Variants in TNR observed in about 807,000 individuals in gnomAD.
The protein encoded by TNR is tenascin R.
In TNR, 45 loss-of-function variants were observed where a neutral mutation model predicts 150.4. The ratio of observed to expected loss-of-function variants is 0.30; its 90% CI spans 0.24 to 0.38. The LOEUF is 0.38. Ranked by LOEUF, TNR falls within the 10% of genes least tolerant of loss-of-function variation. The pLI, the probability that TNR is intolerant of heterozygous loss-of-function variation, is 1.00. For synonymous variants in TNR, 687 were observed against 678.4 expected, an observed-to-expected ratio of 1.01 and a Z score of -0.20; for missense variants, 1,544 against 1,759.1, an observed-to-expected ratio of 0.88 and a Z score of 2.19.
chr1:175,406,921 C>T, intron 2 of TNR, 144 bp from the exon 3 acceptor site: 3 of 624,540 alleles, frequency 4.8e-6, no homozygotes, highest in Non-Finnish European at 8.3e-6. Flanking sequence ...CTGCCAATGT[C>T]ATAAAGGCCC....
intron 2 of TNR, among the ~76,000 whole-genome samples, chr1:175,416,663 G>T (rs1257063033): frequency 4.6e-5 from 7 of 152,148 alleles, no homozygotes; most frequent in Admixed American, 4.6e-4. Context: ...CAAGTTGATG[G>T]TTTCTGTTTC....
chr1:175,344,052 G>A (rs894596869), intron 18 of TNR, among the ~76,000 whole-genome samples: 2 of 152,206 alleles, frequency 1.3e-5, no homozygotes, highest in Non-Finnish European at 2.9e-5. Flanking sequence ...CACTCCACAA[G>A]GTGAGAGTGC....
chr1:175,461,499 C>T (rs544998405), intron 2 of TNR, among the ~76,000 whole-genome samples: 2 of 152,264 alleles, frequency 1.3e-5, no homozygotes, highest in South Asian at 2.1e-4. Flanking sequence ...TTTATCGGGG[C>T]CCTTTCTTAG....
chr1:175,627,309 A>G (rs1664183898), intron 1 of TNR, among the ~76,000 whole-genome samples: 1 of 152,224 alleles, frequency 6.6e-6, no homozygotes, highest in Non-Finnish European at 1.5e-5. Flanking sequence ...AGCTGGGATG[A>G]AAAACTCTGA....
chr1:175,594,266 T>C, intron 1 of TNR, among the ~76,000 whole-genome samples: 1 of 152,124 alleles, frequency 6.6e-6, no homozygotes, highest in East Asian at 1.9e-4. Context: ...TCTGAATCTG[T>C]ATATCAGTCA....
At chr1:175,666,925 A>T (rs1018214301) in intron 1 of TNR, among the ~76,000 whole-genome samples, 2 of 151,742 alleles carry the variant, frequency 1.3e-5, no homozygotes, top group African/African-American at 4.8e-5. Flanking sequence ...TTTGTAAAAC[A>T]TTTTTTTTAT....
intron 1 of TNR, among the ~76,000 whole-genome samples, chr1:175,614,161 T>C (rs1203302448): frequency 6.6e-6 from 1 of 152,228 alleles, no homozygotes; most frequent in Non-Finnish European, 1.5e-5. Flanking sequence ...TTTTTCTTAT[T>C]AAAGAACTGA....
At chr1:175,588,073 G>C (rs576945010) in intron 1 of TNR, among the ~76,000 whole-genome samples, 1 of 152,360 alleles carries the variant, frequency 6.6e-6, no homozygotes, top group South Asian at 2.1e-4. Context: ...GTCTTGCATA[G>C]TGTGAAGAGG....
intron 2 of TNR, among the ~76,000 whole-genome samples, chr1:175,508,852 C>A (rs1015801115): frequency 3.9e-5 from 6 of 152,166 alleles, no homozygotes; most frequent in Non-Finnish European, 5.9e-5. Flanking sequence ...ATTTGTGACT[C>A]AACAATAGAC....
intron 8 of TNR, among the ~76,000 whole-genome samples, chr1:175,380,445 C>T (rs1652618071): frequency 6.6e-6 from 1 of 152,082 alleles, no homozygotes; most frequent in Non-Finnish European, 1.5e-5. Flanking sequence ...GTGCCCAGCG[C>T]CTGTAGTCTC....
chr1:175,375,479 G>GT (rs1305442837), intron 9 of TNR, among the ~76,000 whole-genome samples: 1 of 151,050 alleles, frequency 6.6e-6, no homozygotes, highest in Non-Finnish European at 1.5e-5. Flanking sequence ...AGAATAATGG[G>GT]GGGGGAGTGT....
Position 175,316,691 on chromosome 1 carries a change from G to A in TNR, c.*6666C>T, listed in dbSNP as rs2101972231. Reference sequence around the variant, plus strand: ...GGGATGTTCCCAAAAGAGTGGGGTGGGGGGTATTGGGTTTATGTTCTGGTT... The same window carrying A: ...GGGATGTTCCCAAAAGAGTGGGGTGAGGGGTATTGGGTTTATGTTCTGGTT... On this transcript the variant is annotated 3_prime_UTR_variant, in exon 23 of 23. Coordinates refer to ENST00000367674, the MANE Select transcript of TNR (RefSeq NM_003285.3). 6.6e-6 allele frequency: 1 copy of A among 152,092 alleles called. No individual in the cohort carries two copies. Among genetic ancestry groups the A allele is most frequent in the African/African-American group, 2.4e-5 (1 of 41,478 alleles). The allele number at this position is 152,092 out of a possible 1,614,324, so 9.4% of individuals were successfully genotyped here.
At chr1:175,499,384 T>C (rs1658633028) in intron 2 of TNR, among the ~76,000 whole-genome samples, 1 of 152,202 alleles carries the variant, frequency 6.6e-6, no homozygotes, top group Non-Finnish European at 1.5e-5. Flanking sequence ...AGTTGGGCTC[T>C]CCCTGCAAGG....
chr1:175,501,114 G>T lies in TNR; in HGVS notation c.-64+27155C>A, dbSNP rs747586965. On this transcript the variant is annotated intron_variant, in intron 2 of 22. Transcript: ENST00000367674. ...ATGGGGAGTTTGCAGATGCCTTTAAGTTCTCTAATTAGCTGACCCGAGTTA... is the reference window on the plus strand; with the variant it reads ...ATGGGGAGTTTGCAGATGCCTTTAATTTCTCTAATTAGCTGACCCGAGTTA... Among the ~76,000 whole-genome samples the T allele has an allele frequency of 4.0e-4, 61 of 152,224 alleles. 1 individual carries two copies. The highest frequency in any genetic ancestry group is 7.6e-4 in the Non-Finnish European group (52 of 68,010).
At chr1:175,439,844 A>G (rs1655697477) in intron 2 of TNR, among the ~76,000 whole-genome samples, 1 of 152,246 alleles carries the variant, frequency 6.6e-6, no homozygotes, top group South Asian at 2.1e-4. Flanking sequence ...CACACCAGTT[A>G]GAATGGTGAT....
intron 1 of TNR, among the ~76,000 whole-genome samples, chr1:175,582,832 C>T (rs1662411713): frequency 6.6e-6 from 1 of 152,052 alleles, no homozygotes; most frequent in South Asian, 2.1e-4. Flanking sequence ...GAGGGCTCCA[C>T]CCTTATGAAT....
intron 1 of TNR, among the ~76,000 whole-genome samples, chr1:175,656,141 A>AGTGT (rs575020723): frequency 0.11 from 13,293 of 123,806 alleles, 776 homozygotes; most frequent in Non-Finnish European, 0.12. Flanking sequence ...GGAAGGTTGA[A>AGTGT]GTGTGTGTGT....
chr1:175,708,042 G>C (rs1329709543), intron 1 of TNR, among the ~76,000 whole-genome samples: 1 of 151,130 alleles, frequency 6.6e-6, no homozygotes, highest in Non-Finnish European at 1.5e-5. Context: ...GTGTGTGTGT[G>C]TGTGTGTGTG....
intron 2 of TNR, among the ~76,000 whole-genome samples, chr1:175,410,176 G>A (rs1654144213): frequency 6.6e-6 from 1 of 152,280 alleles, no homozygotes; most frequent in African/African-American, 2.4e-5. Flanking sequence ...GGGCCGGCCT[G>A]GTGAATTTGA....
Sources: allele counts gnomAD v4.1 joint callset (sites outside exome capture counted in the v4.1 genomes callset), GRCh38; gene constraint gnomAD v4.1.1; transcripts MANE v1.5; gene names NCBI Gene and HGNC (gene_info 2026-07-23, HGNC 2026-07-21).